Variants in EML5 observed in about 807,000 individuals in gnomAD.
The protein encoded by EML5 is EMAP like 5, also known as echinoderm microtubule-associated protein-like 5.
Under a neutral mutation model 250.0 loss-of-function variants are expected in EML5, and 120 were observed. The observed-to-expected ratio is 0.48, with a 90% CI of 0.41 to 0.56. EML5 has a LOEUF of 0.56. Ranked by LOEUF, EML5 falls within the 20% of genes least tolerant of loss-of-function variation. The pLI, the probability that EML5 is intolerant of heterozygous loss-of-function variation, is 0.00. For missense variants in EML5, 2,006 were observed against 2,437.6 expected (o/e 0.82, Z 3.73); for synonymous variants, 771 against 806.5 (o/e 0.96, Z 0.75).
Position 88,627,054 on chromosome 14 carries a change from G to T in EML5, c.4532-8C>A. On this transcript the variant is annotated splice_polypyrimidine_tract_variant and splice_region_variant and intron_variant, in intron 34 of 43. Transcript: ENST00000554922. ...TGCTGGCAATTTTGGCACCTGACAA[G>T]ATACAACAAAATTATCTAGGTTATT... The T allele has an allele frequency of 1.9e-6, 3 of 1,613,298 alleles. No individual in the cohort carries two copies. Among genetic ancestry groups the T allele is most frequent in the Non-Finnish European group, 2.5e-6 (3 of 1,179,724 alleles).
At chr14:88,621,965 A>G (rs1481766747) in intron 37 of EML5, 1 of 443,224 alleles carries the variant, frequency 2.3e-6, no homozygotes, top group Non-Finnish European at 4.5e-6. Context: ...ACAGAATACT[A>G]AAACATACTA....
intron 21 of EML5, among the ~76,000 whole-genome samples, chr14:88,670,319 CAAAAAAAAA>C: frequency 2.5e-5 from 2 of 81,214 alleles, no homozygotes; most frequent in South Asian, 8.5e-4. Flanking sequence ...GACTCCATCT[CAAAAAAAAA>C]AAAAAAAAGG....
intron 21 of EML5, among the ~76,000 whole-genome samples, chr14:88,681,403 G>A (rs1017693069): frequency 1.3e-5 from 2 of 152,242 alleles, no homozygotes; most frequent in Non-Finnish European, 2.9e-5. Context: ...GAGGTCAGGA[G>A]ATTGAGACCA....
chr14:88,730,530 C>T (rs935720110), intron 7 of EML5, among the ~76,000 whole-genome samples: 1 of 152,034 alleles, frequency 6.6e-6, no homozygotes, highest in Non-Finnish European at 1.5e-5. Flanking sequence ...AACAGTTGCT[C>T]CAAAAGTTGA....
intron 4 of EML5, among the ~76,000 whole-genome samples, chr14:88,741,164 G>GAA (rs201039602): frequency 1.4e-5 from 2 of 143,386 alleles, no homozygotes; most frequent in African/African-American, 5.1e-5. Context: ...TCCGTCTCAA[G>GAA]AAAAAAAAAA....
At chr14:88,735,944 C>T (rs1448403623) in intron 7 of EML5, among the ~76,000 whole-genome samples, 1 of 151,322 alleles carries the variant, frequency 6.6e-6, no homozygotes, top group African/African-American at 2.4e-5. Context: ...TTCAGTATTA[C>T]TTATGTTCAT....
intron 1 of EML5, among the ~76,000 whole-genome samples, chr14:88,775,801 G>A (rs958004352): frequency 2.6e-5 from 4 of 152,176 alleles, no homozygotes; most frequent in Admixed American, 2.6e-4. Context: ...CAAGCCTTGG[G>A]CAAGACAAAG....
At chr14:88,630,431 T>C (rs183385350) in intron 33 of EML5, among the ~76,000 whole-genome samples, 1 of 152,332 alleles carries the variant, frequency 6.6e-6, no homozygotes, top group East Asian at 1.9e-4. Flanking sequence ...CCTTACTGCA[T>C]ACTCAGCATC....
intron 1 of EML5, among the ~76,000 whole-genome samples, chr14:88,787,225 C>T (rs1365458552): frequency 6.6e-6 from 1 of 152,124 alleles, no homozygotes; most frequent in Non-Finnish European, 1.5e-5. Flanking sequence ...CTTTTTATAT[C>T]CCCATGTACA....
chr14:88,715,829 A>G (rs1239647180), intron 8 of EML5, among the ~76,000 whole-genome samples: 1 of 152,012 alleles, frequency 6.6e-6, no homozygotes, highest in Non-Finnish European at 1.5e-5. Flanking sequence ...TACCCGGCTA[A>G]TCTTTTTGAC....
chr14:88,621,016 C>A, intron 38 of EML5, 90 bp from the exon 39 acceptor site: 1 of 1,478,308 alleles, frequency 6.8e-7, no homozygotes, highest in Non-Finnish European at 9.0e-7. Context: ...AAATGCTCAA[C>A]AGAATTCTGG....
At chr14:88,662,339 GTTTTT>G (rs71127000) in intron 24 of EML5, among the ~76,000 whole-genome samples, 13 of 55,654 alleles carry the variant, frequency 2.3e-4, no homozygotes, top group East Asian at 6.9e-4. Flanking sequence ...AATTTTTCTT[GTTTTT>G]TTTTTTTTTT....
At position 88,629,872 on chromosome 14, in the gene EML5, A is replaced by C. The variant is rs139664378; in HGVS notation, c.4358-2053T>G. Among the ~76,000 whole-genome samples the C allele has an allele frequency of 3.2e-4, 48 of 152,066 alleles. 1 individual carries two copies. In the East Asian group the frequency reaches 7.9e-3, roughly 25 times the overall value. ...TCCCTCCAGAAAATCAATCCCAGTA[A>C]CTTTTCACTACCGTTTTTCACTCTT... is the stretch of plus-strand genomic sequence containing the variant. On this transcript the variant is annotated intron_variant, in intron 33 of 43. Coordinates refer to ENST00000554922, the MANE Select transcript of EML5 (RefSeq NM_183387.3).
intron 1 of EML5, among the ~76,000 whole-genome samples, chr14:88,760,178 A>G (rs1595805145): frequency 6.6e-6 from 1 of 152,232 alleles, no homozygotes; most frequent in East Asian, 1.9e-4. Flanking sequence ...ATTTTTATGA[A>G]GTCTATCTAG....
At chr14:88,787,950 T>C (rs2094567756) in intron 1 of EML5, among the ~76,000 whole-genome samples, 1 of 152,152 alleles carries the variant, frequency 6.6e-6, no homozygotes, top group Non-Finnish European at 1.5e-5. Flanking sequence ...AACAGAATAA[T>C]CTGAGGCACT....
At chr14:88,644,213 AG>A (rs2091228073) in intron 30 of EML5, among the ~76,000 whole-genome samples, 1 of 152,222 alleles carries the variant, frequency 6.6e-6, no homozygotes, top group African/African-American at 2.4e-5. Context: ...CAGTTCAATT[AG>A]GGTATTATTC....
intron 21 of EML5, among the ~76,000 whole-genome samples, chr14:88,676,466 G>C (rs2092595975): frequency 6.6e-6 from 1 of 152,184 alleles, no homozygotes; most frequent in Non-Finnish European, 1.5e-5. Flanking sequence ...CTGCCCCCAT[G>C]ATTCAATTAC....
chr14:88,786,986 C>T (rs1300306333), intron 1 of EML5, among the ~76,000 whole-genome samples: 2 of 152,190 alleles, frequency 1.3e-5, no homozygotes, highest in South Asian at 4.1e-4. Context: ...GTAACCTCAA[C>T]AAGAACTGCT....
In EML5 at chr14:88,746,387, A is replaced by G. The variant is rs942151191; in HGVS notation, c.358-104T>C. On this transcript the variant is annotated intron_variant, in intron 2 of 43. Coordinates refer to ENST00000554922, the MANE Select transcript of EML5 (RefSeq NM_183387.3). Reference sequence around the variant, plus strand: ...AAATTATACTCATGGGTTTTTATAAACATAAAACATATATGCCTATATTTT... The same window carrying G: ...AAATTATACTCATGGGTTTTTATAAGCATAAAACATATATGCCTATATTTT... The G allele has an allele frequency of 4.5e-6, 4 of 883,718 alleles. No individual in the cohort carries two copies. The African/African-American group carries it at 5.1e-5, about 11-fold the overall frequency. The allele number at this position is 883,718 out of a possible 1,614,324, so 54.7% of individuals were successfully genotyped here.
Sources: allele counts gnomAD v4.1 joint callset (sites outside exome capture counted in the v4.1 genomes callset), GRCh38; gene constraint gnomAD v4.1.1; transcripts MANE v1.5; gene names NCBI Gene and HGNC (gene_info 2026-07-23, HGNC 2026-07-21).